The following LRRC7 variants were observed in gnomAD, a reference collection of about 807,000 sequenced individuals.
The protein encoded by LRRC7 is leucine rich repeat containing 7, also known as leucine-rich repeat-containing protein 7.
Under a neutral mutation model 175.7 loss-of-function variants are expected in LRRC7, and 23 were observed. The ratio of observed to expected loss-of-function variants is 0.13; its 90% CI spans 0.09 to 0.19. The LOEUF (loss-of-function observed/expected upper bound fraction) is 0.19. Among genes scored for constraint, LRRC7 ranks in the 10% least tolerant of loss-of-function variants. The pLI, the probability that LRRC7 is intolerant of heterozygous loss-of-function variation, is 1.00. For missense variants in LRRC7, 1,354 were observed against 1,904.7 expected (o/e 0.71, Z 5.38); for synonymous variants, 685 against 680.9 (o/e 1.01, Z -0.09).
At chr1:69,600,422 A>G (rs1164194929) in intron 1 of LRRC7, among the ~76,000 whole-genome samples, 1 of 152,044 alleles carries the variant, frequency 6.6e-6, no homozygotes, top group Non-Finnish European at 1.5e-5. Flanking sequence ...GACAGTTGAG[A>G]TGTGTAGTGC....
At chr1:69,936,141 C>T (rs1647992409) in intron 8 of LRRC7, among the ~76,000 whole-genome samples, 1 of 152,068 alleles carries the variant, frequency 6.6e-6, no homozygotes, top group Non-Finnish European at 1.5e-5. Flanking sequence ...TTTCTAGGTA[C>T]AAAAACTACA....
chr1:69,709,181 A>T (rs1235033185), intron 2 of LRRC7, among the ~76,000 whole-genome samples: 2 of 152,222 alleles, frequency 1.3e-5, no homozygotes, highest in Non-Finnish European at 1.5e-5. Flanking sequence ...CTCCAAAATT[A>T]AACTCCAAAA....
chr1:69,639,118 A>C (rs1235975934), intron 1 of LRRC7, among the ~76,000 whole-genome samples: 1 of 151,846 alleles, frequency 6.6e-6, no homozygotes, highest in Non-Finnish European at 1.5e-5. Context: ...ATTCTGGATA[A>C]TATCAAAGAC....
chr1:69,861,773 G>A (rs775134404), intron 7 of LRRC7, among the ~76,000 whole-genome samples: 3 of 152,104 alleles, frequency 2.0e-5, no homozygotes, highest in Non-Finnish European at 4.4e-5. Flanking sequence ...ATTCTAAACC[G>A]GAGGCTCTTT....
intron 2 of LRRC7, among the ~76,000 whole-genome samples, chr1:69,735,621 T>C (rs1216108298): frequency 2.6e-5 from 4 of 152,146 alleles, no homozygotes; most frequent in Non-Finnish European, 5.9e-5. Flanking sequence ...GGTTTGAAAG[T>C]GTGTGAATAC....
At chr1:70,047,940 T>G (rs905755337) in intron 22 of LRRC7, among the ~76,000 whole-genome samples, 5 of 152,012 alleles carry the variant, frequency 3.3e-5, no homozygotes, top group Non-Finnish European at 5.9e-5. Context: ...TTTATTAAAT[T>G]ATAGAATTAT....
chr1:69,959,377 A>AAAT (rs1650821396), intron 8 of LRRC7, among the ~76,000 whole-genome samples: 2 of 152,078 alleles, frequency 1.3e-5, no homozygotes, highest in Non-Finnish European at 2.9e-5. Flanking sequence ...AATTTAGCCT[A>AAAT]TCAGTGATAT....
intron 3 of LRRC7, among the ~76,000 whole-genome samples, chr1:69,766,743 T>G (rs574064071): frequency 6.6e-6 from 1 of 152,284 alleles, no homozygotes; most frequent in East Asian, 1.9e-4. Context: ...TAAACATTTT[T>G]AAAACACTCA....
rs764915644 is a variant in LRRC7, at chr1:70,129,499, G to A, written c.*7612G>A. Among the ~76,000 whole-genome samples the A allele has an allele frequency of 5.9e-5, 9 of 152,128 alleles. No homozygotes were observed. Among genetic ancestry groups the A allele is most frequent in the Non-Finnish European group, 1.3e-4 (9 of 68,040 alleles). On this transcript the variant is annotated 3_prime_UTR_variant, in exon 27 of 27. Transcript: ENST00000651989. ...AGTCTGTATGCCCCTGACGTTACGG[G>A]AGAAGGAGATGGAATTCAACACTTT...
chr1:69,888,855 C>A (rs1645744208), intron 7 of LRRC7, among the ~76,000 whole-genome samples: 1 of 152,080 alleles, frequency 6.6e-6, no homozygotes, highest in Non-Finnish European at 1.5e-5. Flanking sequence ...ACCTAATGTA[C>A]AGCATAAGAA....
Position 70,023,390 on chromosome 1 carries a change from TG to T in LRRC7, c.1794+20del. 6.4e-7 allele frequency: 1 copy of T among 1,551,700 alleles called. No individual in the cohort carries two copies. The highest frequency in any genetic ancestry group is 8.8e-7 in the Non-Finnish European group (1 of 1,142,828). The stretch of plus-strand genomic sequence containing the variant: ...TGGCAGACAGGTAGGCCTAGGTGTC[TG>T]GGGTAGGAGAATCTCCCATGTAGAG... On this transcript the variant is annotated intron_variant, in intron 17 of 26. Coordinates refer to ENST00000651989, the MANE Select transcript of LRRC7 (RefSeq NM_001370785.2).
At chr1:69,906,234 C>T (rs1030612238) in intron 7 of LRRC7, among the ~76,000 whole-genome samples, 1 of 152,092 alleles carries the variant, frequency 6.6e-6, no homozygotes, top group Non-Finnish European at 1.5e-5. Context: ...ATGGTAGTTT[C>T]TTTTGCTGTG....
At chr1:69,732,326 G>A (rs1165170790) in intron 2 of LRRC7, among the ~76,000 whole-genome samples, 2 of 151,792 alleles carry the variant, frequency 1.3e-5, no homozygotes, top group Non-Finnish European at 2.9e-5. Flanking sequence ...ACAATCTAAT[G>A]AAAAATAGGG....
At chr1:69,791,968 C>A (rs1042556115) in intron 3 of LRRC7, 75 bp from the exon 4 acceptor site, 24 of 972,128 alleles carry the variant, frequency 2.5e-5, no homozygotes, top group Non-Finnish European at 3.5e-5. Flanking sequence ...AACATGGTGA[C>A]TTTAATTTTG....
chr1:69,781,735 G>GAA (rs774259601), intron 3 of LRRC7, among the ~76,000 whole-genome samples: 556 of 28,530 alleles, frequency 0.019, 14 homozygotes, highest in African/African-American at 0.027. Context: ...AAGAAAGAAA[G>GAA]AGAGAGAGAG....
At chr1:70,111,560 G>A (rs558247808) in intron 26 of LRRC7, among the ~76,000 whole-genome samples, 3 of 152,172 alleles carry the variant, frequency 2.0e-5, no homozygotes, top group South Asian at 2.1e-4. Context: ...TTAATTTATC[G>A]TCATAGTTTC....
intron 1 of LRRC7, among the ~76,000 whole-genome samples, chr1:69,610,016 G>A (rs1648445779): frequency 6.6e-6 from 1 of 151,860 alleles, no homozygotes; most frequent in Non-Finnish European, 1.5e-5. Flanking sequence ...ACCTATGTTG[G>A]TATTTATTTT....
intron 11 of LRRC7, among the ~76,000 whole-genome samples, chr1:70,005,824 T>G (rs1262662071): frequency 6.6e-6 from 1 of 152,204 alleles, no homozygotes; most frequent in Non-Finnish European, 1.5e-5. Context: ...CCCAAACCAC[T>G]GAATCATAAT....
chr1:69,958,799 T>C (rs1650756091), intron 8 of LRRC7, among the ~76,000 whole-genome samples: 1 of 152,036 alleles, frequency 6.6e-6, no homozygotes, highest in African/African-American at 2.4e-5. Flanking sequence ...ATCCTAAATA[T>C]GCCACATTTT....
Sources: allele counts gnomAD v4.1 joint callset (sites outside exome capture counted in the v4.1 genomes callset), GRCh38; gene constraint gnomAD v4.1.1; transcripts MANE v1.5; gene names NCBI Gene and HGNC (gene_info 2026-07-23, HGNC 2026-07-21).